MICU1: variants seen among roughly 807,000 people sequenced by gnomAD.
MICU1 encodes mitochondrial calcium uptake 1.
A neutral mutation model predicts 56.8 loss-of-function variants in MICU1; 45 were observed. That is an observed-to-expected ratio of 0.79 (90% CI 0.62 to 1.02). The LOEUF is 1.02. Among genes scored for constraint, MICU1 ranks in the 50% least tolerant of loss-of-function variants. The pLI, the probability that MICU1 is intolerant of heterozygous loss-of-function variation, is 0.00. For synonymous variants in MICU1, 186 were observed against 195.1 expected (o/e 0.95, Z 0.39); for missense variants, 504 against 587.1 (o/e 0.86, Z 1.46).
chr10:72,446,205 C>A (rs1201137748), intron 8 of MICU1, among the ~76,000 whole-genome samples: 6 of 151,408 alleles, frequency 4.0e-5, no homozygotes, highest in Admixed American at 6.6e-5. Flanking sequence ...GATTCAGAGT[C>A]AAAAAAAATT....
intron 8 of MICU1, among the ~76,000 whole-genome samples, chr10:72,433,849 A>G (rs1864623884): frequency 6.6e-6 from 1 of 152,252 alleles, no homozygotes; most frequent in African/African-American, 2.4e-5. Flanking sequence ...ATTAAAACAT[A>G]TTCCTCAATA....
chr10:72,443,540 T>C (rs1428163946), intron 8 of MICU1, among the ~76,000 whole-genome samples: 3 of 152,192 alleles, frequency 2.0e-5, no homozygotes, highest in Non-Finnish European at 4.4e-5. Flanking sequence ...CTTGAATTGA[T>C]TTTTGTATAA....
chr10:72,464,233 T>C (rs1865719934), intron 8 of MICU1, among the ~76,000 whole-genome samples: 1 of 146,572 alleles, frequency 6.8e-6, no homozygotes, highest in Admixed American at 6.8e-5. Context: ...GAGGCAGAGG[T>C]TGCAGTGAGC....
At chr10:72,559,146 C>A (rs987044705) in intron 3 of MICU1, among the ~76,000 whole-genome samples, 5 of 152,098 alleles carry the variant, frequency 3.3e-5, no homozygotes, top group Non-Finnish European at 5.9e-5. Context: ...TATGATTGCA[C>A]CACTGCACTC....
intron 1 of MICU1, among the ~76,000 whole-genome samples, chr10:72,591,864 T>C (rs1159022326): frequency 6.6e-6 from 1 of 151,420 alleles, no homozygotes; most frequent in Non-Finnish European, 1.5e-5. Context: ...ATACAAACAT[T>C]AGCCAGGCGT....
At chr10:72,493,993 A>C (rs1357112577) in intron 6 of MICU1, among the ~76,000 whole-genome samples, 1 of 152,196 alleles carries the variant, frequency 6.6e-6, no homozygotes, top group Non-Finnish European at 1.5e-5. Flanking sequence ...TTTTGGGAAC[A>C]CTATGAATTT....
intron 11 of MICU1, among the ~76,000 whole-genome samples, chr10:72,375,144 G>C (rs568988001): frequency 3.2e-4 from 48 of 152,230 alleles, no homozygotes; most frequent in African/African-American, 1.1e-3. Context: ...TCAGTAAAAA[G>C]TGGTCAATAA....
chr10:72,403,480 G>A (rs1863525658), intron 10 of MICU1, among the ~76,000 whole-genome samples: 1 of 151,854 alleles, frequency 6.6e-6, no homozygotes, highest in Non-Finnish European at 1.5e-5. Flanking sequence ...ACCTACCAAA[G>A]TGTTGGGATT....
chr10:72,563,030 G>A lies in MICU1; in HGVS notation c.195C>T (p.Asn65=). 2 of 1,596,906 alleles carry A rather than the reference G, an allele frequency of 1.3e-6. No homozygotes were observed. Among genetic ancestry groups the A allele is most frequent in the African/African-American group, 1.3e-5 (1 of 74,200 alleles). ...AHAESPPCVD[N]LKSDIGDKGK... ...CTTTATCACCGATGTCACTTTTTAG[G>A]TTGTCTACACATGGTGGAGATTCTG... Residue 65 remains asparagine, a synonymous_variant, in exon 3 of 12, where the codon AAC becomes AAT. Coordinates refer to ENST00000361114, the MANE Select transcript of MICU1 (RefSeq NM_001195518.2).
intron 4 of MICU1, among the ~76,000 whole-genome samples, chr10:72,544,990 G>C (rs749322142): frequency 5.9e-5 from 9 of 152,096 alleles, no homozygotes; most frequent in Non-Finnish European, 1.0e-4. Flanking sequence ...GATCTGTTGG[G>C]TATCCTGGGA....
intron 8 of MICU1, among the ~76,000 whole-genome samples, chr10:72,438,256 G>A (rs545956767): frequency 6.6e-5 from 10 of 151,766 alleles, no homozygotes; most frequent in South Asian, 4.2e-4. Context: ...ACTCAAAACC[G>A]CACAACTACA....
At chr10:72,585,448 A>G (rs1261243748) in intron 1 of MICU1, among the ~76,000 whole-genome samples, 1 of 151,918 alleles carries the variant, frequency 6.6e-6, no homozygotes, top group African/African-American at 2.4e-5. Flanking sequence ...TAATCCCAGC[A>G]CTTTGGGAGG....
At chr10:72,604,399 G>A (rs1311279981) in intron 1 of MICU1, among the ~76,000 whole-genome samples, 2 of 149,602 alleles carry the variant, frequency 1.3e-5, no homozygotes, top group Non-Finnish European at 3.0e-5. Flanking sequence ...TCAGCCTTCT[G>A]AGTAGCTGGG....
chr10:72,529,946 C>CT (rs11338457), intron 5 of MICU1, among the ~76,000 whole-genome samples: 1,056 of 100,820 alleles, frequency 0.01, 22 homozygotes, highest in African/African-American at 0.019. Context: ...GGGGAAGGTG[C>CT]TTTTTTTTTT....
Position 72,549,179 on chromosome 10 carries a change from C to T in MICU1, c.493+2000G>A, listed in dbSNP as rs187333380. Among the ~76,000 whole-genome samples, 53 of 146,402 alleles carry T rather than the reference C, an allele frequency of 3.6e-4. 1 individual carries two copies. Among genetic ancestry groups the T allele is most frequent in the African/African-American group, 1.0e-3 (41 of 39,992 alleles). On this transcript the variant is annotated intron_variant, in intron 4 of 11. Transcript: ENST00000361114. ...AAGCTCACTTTGTTGTTTCATGTGTCTGTTTTTTTTGGTTTTTTTTTTTTT... is the reference window on the plus strand; with the variant it reads ...AAGCTCACTTTGTTGTTTCATGTGTTTGTTTTTTTTGGTTTTTTTTTTTTT...
At chr10:72,378,350 T>C (rs949911660) in intron 10 of MICU1, among the ~76,000 whole-genome samples, 1 of 152,162 alleles carries the variant, frequency 6.6e-6, no homozygotes, top group Non-Finnish European at 1.5e-5. Flanking sequence ...TACTGGATCA[T>C]GGGGGCAGAT....
At position 72,508,164 on chromosome 10, in the gene MICU1, C is replaced by T. The variant is rs1435221615; in HGVS notation, c.643G>A (p.Val215Ile). 1.3e-6 allele frequency: 2 copies of T among 1,509,268 alleles called. No individual in the cohort carries two copies. The highest frequency in any genetic ancestry group is 1.8e-6 in the Non-Finnish European group (2 of 1,111,346). The allele number at this position is 1,509,268 out of a possible 1,614,324, so 93.5% of individuals were successfully genotyped here. The part of the protein sequence containing the change: ...SFSDYIFLTT[V>I]LSTPQRNFEI... The stretch of plus-strand genomic sequence containing the variant: ...AAACGTTTATACTTACTGGAAAGAA[C>T]AGTTGTGAGGAAAATGTAGTCTGAA... The change falls in exon 6 of 12, where the codon GTT becomes ATT. Residue 215 changes from valine (V) to isoleucine (I), a missense_variant. By Grantham distance (29) the Val-to-Ile change is conservative (BLOSUM62 3). Transcript: ENST00000361114.
chr10:72,469,855 C>A (rs531458186), intron 8 of MICU1, among the ~76,000 whole-genome samples: 1 of 152,250 alleles, frequency 6.6e-6, no homozygotes, highest in East Asian at 1.9e-4. Context: ...CAGATGACTG[C>A]CTTCTGGCTG....
intron 8 of MICU1, among the ~76,000 whole-genome samples, chr10:72,474,774 C>T (rs1866061338): frequency 6.6e-6 from 1 of 152,184 alleles, no homozygotes; most frequent in South Asian, 2.1e-4. Context: ...GTGTCTTCCA[C>T]ACAATAAACA....
Sources: gnomAD v4.1 joint callset for allele counts (sites outside exome capture counted in the v4.1 genomes callset) on GRCh38, gnomAD v4.1.1 for gene constraint, MANE v1.5 for transcripts, NCBI Gene and HGNC (gene_info 2026-07-23, HGNC 2026-07-21) for gene names.